The following CDH13 variants were observed in gnomAD, a reference collection of about 807,000 sequenced individuals.
The protein encoded by CDH13 is cadherin-13.
CDH13 carries 24 observed loss-of-function variants against 63.8 expected under a neutral mutation model. The observed-to-expected ratio is 0.38, with a 90% confidence interval of 0.27 to 0.53. The LOEUF (loss-of-function observed/expected upper bound fraction) is 0.53, where lower values mean the gene tolerates loss of function less well. Ranked by LOEUF, CDH13 falls within the 20% of genes least tolerant of loss-of-function variation. The pLI is 0.85. For missense variants in CDH13, 1,049 were observed against 903.1 expected, an observed-to-expected ratio of 1.16 and a Z score of -2.07; for synonymous variants, 503 against 355.3, an observed-to-expected ratio of 1.42 and a Z score of -4.67.
chr16:83,353,812 T>C (rs1176570104), intron 6 of CDH13, among the ~76,000 whole-genome samples: 1 of 152,218 alleles, frequency 6.6e-6, no homozygotes, highest in Non-Finnish European at 1.5e-5. Context: ...TGGGGAGATG[T>C]GGCCCTTGGG....
At chr16:82,694,878 C>G (rs532324922) in intron 1 of CDH13, among the ~76,000 whole-genome samples, 2 of 152,080 alleles carry the variant, frequency 1.3e-5, no homozygotes, top group African/African-American at 4.8e-5. Flanking sequence ...ATAAAGGAGG[C>G]GCCTTGGGTA....
chr16:83,121,431 T>C (rs925446200), intron 3 of CDH13, among the ~76,000 whole-genome samples: 1 of 152,168 alleles, frequency 6.6e-6, no homozygotes, highest in African/African-American at 2.4e-5. Flanking sequence ...ACTTTGGAGG[T>C]CTGTTGGAAA....
At chr16:83,396,245 T>C (rs913050102) in intron 6 of CDH13, among the ~76,000 whole-genome samples, 3 of 152,218 alleles carry the variant, frequency 2.0e-5, no homozygotes, top group Non-Finnish European at 4.4e-5. Context: ...TTTCACCTTG[T>C]TGAACATCAG....
chr16:83,032,605 C>T (rs1430182109), intron 3 of CDH13, among the ~76,000 whole-genome samples: 5 of 152,192 alleles, frequency 3.3e-5, no homozygotes, highest in African/African-American at 1.2e-4. Context: ...CCTCTTTCTG[C>T]TGGTCTGAAG....
chr16:83,619,007 T>C (rs1909555557), intron 8 of CDH13, among the ~76,000 whole-genome samples: 1 of 152,250 alleles, frequency 6.6e-6, no homozygotes, highest in Non-Finnish European at 1.5e-5. Context: ...TTTTTGCTGT[T>C]GACCGGCTCA....
chr16:83,578,535 C>A (rs1018906644), intron 7 of CDH13, among the ~76,000 whole-genome samples: 3 of 152,154 alleles, frequency 2.0e-5, no homozygotes, highest in Non-Finnish European at 4.4e-5. Flanking sequence ...GGAGGAGAAG[C>A]CTGAGCTGAC....
At chr16:82,736,112 T>C (rs1044433877) in intron 1 of CDH13, among the ~76,000 whole-genome samples, 1 of 152,228 alleles carries the variant, frequency 6.6e-6, no homozygotes, top group African/African-American at 2.4e-5. Flanking sequence ...GTCAGTAAGC[T>C]GCGCTGAGGT....
intron 7 of CDH13, among the ~76,000 whole-genome samples, chr16:83,568,221 T>C (rs182806061): frequency 6.6e-6 from 1 of 152,296 alleles, no homozygotes; most frequent in Admixed American, 6.5e-5. Flanking sequence ...ATGTAAAATC[T>C]GTCTGCATTT....
intron 7 of CDH13, among the ~76,000 whole-genome samples, chr16:83,540,788 C>G (rs963657590): frequency 6.6e-6 from 1 of 152,170 alleles, no homozygotes; most frequent in African/African-American, 2.4e-5. Flanking sequence ...CACCACCACA[C>G]CCAGCTAATT....
intron 1 of CDH13, among the ~76,000 whole-genome samples, chr16:82,661,534 T>G (rs952277004): frequency 6.6e-6 from 1 of 152,226 alleles, no homozygotes; most frequent in Non-Finnish European, 1.5e-5. Context: ...AGGTGTTCCC[T>G]TGGTGAAAGC....
intron 7 of CDH13, among the ~76,000 whole-genome samples, chr16:83,507,469 G>A (rs1418919079): frequency 2.6e-5 from 4 of 152,192 alleles, no homozygotes; most frequent in African/African-American, 9.7e-5. Flanking sequence ...TAGTTTAGAA[G>A]CAGTATTAAT....
intron 3 of CDH13, among the ~76,000 whole-genome samples, chr16:83,046,573 C>T (rs892552153): frequency 2.6e-5 from 4 of 152,168 alleles, no homozygotes; most frequent in African/African-American, 9.7e-5. Flanking sequence ...TCTTATAGCT[C>T]TTAGCAATTC....
intron 5 of CDH13, among the ~76,000 whole-genome samples, chr16:83,300,891 G>C (rs143797026): frequency 1.3e-3 from 197 of 152,262 alleles, no homozygotes; most frequent in African/African-American, 4.5e-3. Context: ...GTTCGTTAAA[G>C]AAGACGTGGC....
chr16:82,926,871 G>C (rs146182792), intron 2 of CDH13, among the ~76,000 whole-genome samples: 2 of 152,208 alleles, frequency 1.3e-5, no homozygotes, highest in Middle Eastern at 3.4e-3. Context: ...TCCAGTGTCC[G>C]GTTATAATTG....
At chr16:82,633,427 C>T (rs146590544) in intron 1 of CDH13, among the ~76,000 whole-genome samples, 159 of 152,326 alleles carry the variant, frequency 1.0e-3, no homozygotes, top group African/African-American at 3.3e-3. Flanking sequence ...TCACCCAAGC[C>T]GGAGTGCGGT....
intron 7 of CDH13, among the ~76,000 whole-genome samples, chr16:83,500,973 G>T (rs772387037): frequency 6.6e-5 from 10 of 152,170 alleles, no homozygotes; most frequent in Non-Finnish European, 1.3e-4. Flanking sequence ...TTTTAAGATT[G>T]CAGGGGAAGC....
At chr16:83,707,836 C>CAAAAAATAAAAAAAA (rs1907339888) in intron 10 of CDH13, among the ~76,000 whole-genome samples, 1 of 78,902 alleles carries the variant, frequency 1.3e-5, no homozygotes, top group African/African-American at 5.0e-5. Flanking sequence ...ACCCTAAAGG[C>CAAAAAATAAAAAAAA]AAAAAAAAAA....
At chr16:83,696,440 A>C (rs928091214) in intron 10 of CDH13, among the ~76,000 whole-genome samples, 1 of 152,064 alleles carries the variant, frequency 6.6e-6, no homozygotes, top group African/African-American at 2.4e-5. Flanking sequence ...CAGGGAATCC[A>C]ATAGAGTGAG....
rs138004075 is a variant in CDH13 at position 83,318,412 on chromosome 16, T to C, written c.637-26450T>C. ...CATTTCTACTGTTAAAACTGAATTA[T>C]CTGTTTTTCTTCTTCTAAAAGCAAT... On this transcript the variant is annotated intron_variant, in intron 5 of 13. Transcript: ENST00000567109. Among the ~76,000 whole-genome samples, 85 of 152,368 alleles carry C rather than the reference T, an allele frequency of 5.6e-4. 2 individuals are homozygous for C. The East Asian group carries it at 0.012, about 21-fold the overall frequency.
Sources: gnomAD v4.1 joint callset for allele counts (sites outside exome capture counted in the v4.1 genomes callset) on GRCh38, gnomAD v4.1.1 for gene constraint, MANE v1.5 for transcripts, NCBI Gene and HGNC (gene_info 2026-07-23, HGNC 2026-07-21) for gene names.